The following PRKCE variants were observed in gnomAD, a reference collection of about 807,000 sequenced individuals.
PRKCE encodes protein kinase C epsilon type.
In PRKCE, 16 loss-of-function variants were observed where a neutral mutation model predicts 85.4. That is an observed-to-expected ratio of 0.19 (90% CI 0.13 to 0.28). The LOEUF is 0.28. PRKCE is among the 10% of genes least tolerant of loss of function. The pLI is 1.00. For missense variants in PRKCE, 573 were observed against 975.2 expected (o/e 0.59, Z 5.49); for synonymous variants, 388 against 371.5 (o/e 1.04, Z -0.51).
At chr2:45,983,937 A>ATT (rs11418472) in intron 5 of PRKCE, among the ~76,000 whole-genome samples, 9,686 of 132,946 alleles carry the variant, frequency 0.073, 1,283 homozygotes, top group African/African-American at 0.25. Context: ...TGAAGGTACA[A>ATT]TTTTTTTTTT....
At chr2:45,759,034 G>A (rs1684230179) in intron 1 of PRKCE, among the ~76,000 whole-genome samples, 1 of 152,154 alleles carries the variant, frequency 6.6e-6, no homozygotes, top group Non-Finnish European at 1.5e-5. Context: ...CTCCCACAGG[G>A]TGATTGAATT....
chr2:45,776,936 AT>A (rs904165215), intron 1 of PRKCE, among the ~76,000 whole-genome samples: 107 of 151,386 alleles, frequency 7.1e-4, no homozygotes, highest in African/African-American at 1.9e-3. Context: ...GAAAGTTATC[AT>A]TTTTTTTTTG....
chr2:45,770,636 A>G (rs563250668), intron 1 of PRKCE: 1 of 152,352 alleles, frequency 6.6e-6, no homozygotes, highest in East Asian at 1.9e-4. Flanking sequence ...AGTTATGGGC[A>G]TCTTTACTTC....
intron 2 of PRKCE, among the ~76,000 whole-genome samples, chr2:45,950,804 G>T (rs1700568211): frequency 1.3e-5 from 2 of 152,176 alleles, no homozygotes; most frequent in Admixed American, 6.5e-5. Flanking sequence ...CTTGGGGACA[G>T]CAACAGCAGC....
At chr2:45,917,751 A>C (rs924660046) in intron 2 of PRKCE, among the ~76,000 whole-genome samples, 74 of 152,230 alleles carry the variant, frequency 4.9e-4, no homozygotes, top group African/African-American at 1.6e-3. Context: ...CTCCGGCCGC[A>C]CGGGAGCTCA....
intron 2 of PRKCE, among the ~76,000 whole-genome samples, chr2:45,968,258 CA>C (rs1701866178): frequency 6.6e-6 from 1 of 152,162 alleles, no homozygotes; most frequent in South Asian, 2.1e-4. Context: ...TACACACACA[CA>C]CACACACACC....
At chr2:45,922,341 T>C (rs576315361) in intron 2 of PRKCE, among the ~76,000 whole-genome samples, 1 of 152,296 alleles carries the variant, frequency 6.6e-6, no homozygotes, top group South Asian at 2.1e-4. Flanking sequence ...CAAAACTCTT[T>C]ATACTGGCTG....
In PRKCE at chr2:46,007,519, A is replaced by G; in HGVS notation, c.1121A>G (p.Glu374Gly). 1 of 1,599,796 alleles carries G rather than the reference A, an allele frequency of 6.3e-7. No individual in the cohort carries two copies. ...GCCTTGTCATTTGACAACCGAGGAG[A>G]GGAGCACCGGGCAGCATCGTCTCCT... The part of the protein sequence containing the change: ...RKALSFDNRG[E>G]EHRAASSPDG... The change falls in exon 9 of 15, where the codon GAG (glutamate) becomes GGG (glycine). Residue 374 changes from glutamate (E) to glycine (G), a missense_variant. By Grantham distance (98) the Glu-to-Gly change is moderately conservative (BLOSUM62 -2). Transcript: ENST00000306156.
At chr2:45,764,338 C>T (rs1684742437) in intron 1 of PRKCE, among the ~76,000 whole-genome samples, 1 of 152,116 alleles carries the variant, frequency 6.6e-6, no homozygotes, top group Admixed American at 6.5e-5. Context: ...GGTTTAAGAG[C>T]TTATAAATGA....
At chr2:45,996,596 AT>A (rs1248953712) in intron 6 of PRKCE, among the ~76,000 whole-genome samples, 5 of 81,184 alleles carry the variant, frequency 6.2e-5, no homozygotes, top group Non-Finnish European at 1.4e-4. Flanking sequence ...GAATTATTTG[AT>A]TTTTTTTCTC....
intron 10 of PRKCE, among the ~76,000 whole-genome samples, chr2:46,013,932 C>T (rs137942787): frequency 5.8e-4 from 88 of 152,216 alleles, no homozygotes; most frequent in Non-Finnish European, 7.2e-4. Context: ...TGACCAATGG[C>T]AATGGTCATA....
intron 2 of PRKCE, among the ~76,000 whole-genome samples, chr2:45,884,954 CATATATATATAT>C (rs745477412): frequency 0.016 from 596 of 37,526 alleles, 17 homozygotes; most frequent in African/African-American, 0.065. Flanking sequence ...ATATGTGATC[CATATATATATAT>C]ATATATATAT....
Position 45,984,683 on chromosome 2 carries a change from A to G in PRKCE, c.823+3A>G, listed in dbSNP as rs765037713. 1.9e-6 allele frequency: 3 copies of G among 1,597,352 alleles called. No individual in the cohort carries two copies. The highest frequency in any genetic ancestry group is 1.1e-5 in the South Asian group (1 of 90,890). Reference sequence around the variant, plus strand: ...GCGGCAGGGTTTGCAGTGTAAAGGTAAGTTGCTCCCTGCCCTGCCCTCAGC... The same window carrying G: ...GCGGCAGGGTTTGCAGTGTAAAGGTGAGTTGCTCCCTGCCCTGCCCTCAGC... On this transcript the variant is annotated splice_donor_region_variant and intron_variant, in intron 6 of 14. Transcript: ENST00000306156.
intron 14 of PRKCE, among the ~76,000 whole-genome samples, chr2:46,169,772 G>C (rs555152708): frequency 6.6e-6 from 1 of 152,308 alleles, no homozygotes; most frequent in African/African-American, 2.4e-5. Flanking sequence ...GGCAGACTCA[G>C]ACTATAGGGA....
chr2:45,928,086 C>T (rs572835039), intron 2 of PRKCE, among the ~76,000 whole-genome samples: 1 of 152,198 alleles, frequency 6.6e-6, no homozygotes, highest in South Asian at 2.1e-4. Flanking sequence ...TCAAGGATTC[C>T]CTTTCACCTC....
chr2:46,173,270 C>T (rs1309504295), intron 14 of PRKCE, among the ~76,000 whole-genome samples: 1 of 152,208 alleles, frequency 6.6e-6, no homozygotes. Context: ...CATTCATTTA[C>T]ACAAGTTCAT....
In PRKCE at chr2:46,058,398, A is replaced by G. The variant is rs189811992; in HGVS notation, c.1438-27810A>G. 1.1e-4 allele frequency among the ~76,000 whole-genome samples: 16 copies of G among 152,368 alleles called. No individual in the cohort carries two copies. In the East Asian group the frequency reaches 3.1e-3, roughly 29 times the overall value. The stretch of plus-strand genomic sequence containing the variant: ...GTGGGGATGAAACGTCATGTTCCCA[A>G]AGGAACTGGCTCATTGTTTAAACTG... On this transcript the variant is annotated intron_variant, in intron 10 of 14. Coordinates refer to ENST00000306156, the MANE Select transcript of PRKCE (RefSeq NM_005400.3).
intron 2 of PRKCE, among the ~76,000 whole-genome samples, chr2:45,936,426 A>G (rs913531463): frequency 1.3e-5 from 2 of 152,188 alleles, no homozygotes; most frequent in African/African-American, 4.8e-5. Context: ...CAATCTGCCT[A>G]AGTCACTGGC....
intron 1 of PRKCE, among the ~76,000 whole-genome samples, chr2:45,727,435 G>A (rs990108010): frequency 2.0e-5 from 3 of 152,162 alleles, no homozygotes; most frequent in Non-Finnish European, 4.4e-5. Context: ...CCCGGAGGAC[G>A]GGGTTCAAAC....
Sources: gnomAD v4.1 joint callset for allele counts (sites outside exome capture counted in the v4.1 genomes callset) on GRCh38, gnomAD v4.1.1 for gene constraint, MANE v1.5 for transcripts, NCBI Gene and HGNC (gene_info 2026-07-23, HGNC 2026-07-21) for gene names.